Variants in PTPRD observed in about 807,000 individuals in gnomAD.
PTPRD encodes protein tyrosine phosphatase receptor type D.
Under a neutral mutation model 214.5 loss-of-function variants are expected in PTPRD, and 34 were observed. The ratio of observed to expected loss-of-function variants is 0.16; its 90% CI spans 0.12 to 0.21. The LOEUF is 0.21. PTPRD is among the 10% of genes least tolerant of loss of function. The probability of loss-of-function intolerance (pLI) is 1.00; values close to 1 mark genes in which losing one functional copy is unlikely to be tolerated. For synonymous variants in PTPRD, 1,128 were observed against 845.7 expected (o/e 1.33, Z -5.79); for missense variants, 2,545 against 2,398.7 (o/e 1.06, Z -1.27).
At chr9:9,411,508 G>A (rs901650161) in intron 8 of PTPRD, among the ~76,000 whole-genome samples, 1 of 152,122 alleles carries the variant, frequency 6.6e-6, no homozygotes, top group African/African-American at 2.4e-5. Context: ...CTAAAATATG[G>A]TTGGATGTAA....
chr9:10,016,468 A>G (rs1251615711), intron 4 of PTPRD, among the ~76,000 whole-genome samples: 2 of 152,172 alleles, frequency 1.3e-5, no homozygotes, highest in Non-Finnish European at 2.9e-5. Flanking sequence ...GTGTCTGTAA[A>G]TCATCAAAGA....
intron 5 of PTPRD, among the ~76,000 whole-genome samples, chr9:9,849,810 AT>A (rs1275833445): frequency 6.6e-6 from 1 of 152,144 alleles, no homozygotes; most frequent in Non-Finnish European, 1.5e-5. Flanking sequence ...TCAAATCAAA[AT>A]CTTCAAATGC....
intron 14 of PTPRD, among the ~76,000 whole-genome samples, chr9:8,588,532 G>T (rs76361794): frequency 6.6e-6 from 1 of 152,036 alleles, no homozygotes; most frequent in Non-Finnish European, 1.5e-5. Context: ...ATTATAGAAA[G>T]AATAATCCTT....
At chr9:10,144,631 C>T (rs12235311) in intron 3 of PTPRD, among the ~76,000 whole-genome samples, 14,701 of 152,058 alleles carry the variant, frequency 0.097, 852 homozygotes, top group South Asian at 0.26. Context: ...GAGCACAAGC[C>T]TTCTTCAATA....
At chr9:9,043,147 A>T (rs1373494822) in intron 10 of PTPRD, among the ~76,000 whole-genome samples, 2 of 152,180 alleles carry the variant, frequency 1.3e-5, no homozygotes, top group East Asian at 3.9e-4. Flanking sequence ...TCTGTGGCTC[A>T]CAACAAAGAT....
At chr9:8,999,867 G>T (rs1028341081) in intron 11 of PTPRD, among the ~76,000 whole-genome samples, 7 of 151,960 alleles carry the variant, frequency 4.6e-5, no homozygotes, top group Admixed American at 3.3e-4. Context: ...ACAGGGGGAT[G>T]GGGTGTTGAC....
intron 2 of PTPRD, among the ~76,000 whole-genome samples, chr9:10,475,030 C>G (rs1016533712): frequency 6.6e-6 from 1 of 152,094 alleles, no homozygotes; most frequent in East Asian, 1.9e-4. Context: ...CAGGAGAAAG[C>G]AAGAAAGATC....
intron 5 of PTPRD, among the ~76,000 whole-genome samples, chr9:9,934,700 G>T (rs1037682074): frequency 6.6e-6 from 1 of 151,346 alleles, no homozygotes; most frequent in African/African-American, 2.4e-5. Context: ...AACAGAAAAA[G>T]AGGGAATCCT....
At chr9:9,922,552 G>C (rs939909601) in intron 5 of PTPRD, among the ~76,000 whole-genome samples, 1 of 151,942 alleles carries the variant, frequency 6.6e-6, no homozygotes, top group Non-Finnish European at 1.5e-5. Context: ...AACTAAAAAG[G>C]ACTGAAATAG....
At chr9:8,427,657 A>ATTC (rs1241111920) in intron 35 of PTPRD, among the ~76,000 whole-genome samples, 1 of 151,934 alleles carries the variant, frequency 6.6e-6, no homozygotes, top group Non-Finnish European at 1.5e-5. Context: ...TCAGTCTTTT[A>ATTC]TTCTTCTTCT....
At chr9:9,945,689 G>T (rs73402689) in intron 4 of PTPRD, among the ~76,000 whole-genome samples, 3,852 of 151,976 alleles carry the variant, frequency 0.025, 185 homozygotes, top group African/African-American at 0.089. Flanking sequence ...AATTTAAGAG[G>T]GGAGAAATTA....
intron 2 of PTPRD, among the ~76,000 whole-genome samples, chr9:10,595,600 A>C (rs983329896): frequency 6.6e-6 from 1 of 151,616 alleles, no homozygotes; most frequent in Non-Finnish European, 1.5e-5. Flanking sequence ...TAATTTGCCT[A>C]TATTATTTAA....
intron 3 of PTPRD, among the ~76,000 whole-genome samples, chr9:10,173,259 T>C (rs1189850220): frequency 6.6e-6 from 1 of 152,178 alleles, no homozygotes; most frequent in Non-Finnish European, 1.5e-5. Context: ...TATAAAAACT[T>C]TAAGATCCTT....
intron 3 of PTPRD, among the ~76,000 whole-genome samples, chr9:10,186,499 T>C (rs1005765431): frequency 1.3e-5 from 2 of 152,148 alleles, no homozygotes; most frequent in African/African-American, 4.8e-5. Context: ...GAGGCTATTA[T>C]AACACAATGC....
intron 8 of PTPRD, among the ~76,000 whole-genome samples, chr9:9,525,394 C>T (rs1052283871): frequency 3.3e-5 from 5 of 152,010 alleles, no homozygotes; most frequent in African/African-American, 1.2e-4. Context: ...CAGTATACTG[C>T]AATCGATGTT....
chr9:9,584,857 T>A (rs1482480921), intron 7 of PTPRD, among the ~76,000 whole-genome samples: 1 of 152,032 alleles, frequency 6.6e-6, no homozygotes, highest in African/African-American at 2.4e-5. Flanking sequence ...CTTCAAGCTT[T>A]ATTTTCTTCT....
At chr9:9,032,942 A>G (rs948060710) in intron 10 of PTPRD, among the ~76,000 whole-genome samples, 1 of 152,010 alleles carries the variant, frequency 6.6e-6, no homozygotes, top group Non-Finnish European at 1.5e-5. Flanking sequence ...ACCTCTCTGT[A>G]CGGGACTCTC....
intron 13 of PTPRD, among the ~76,000 whole-genome samples, chr9:8,635,766 A>G (rs558104733): frequency 1.3e-5 from 2 of 152,244 alleles, no homozygotes; most frequent in East Asian, 3.9e-4. Context: ...GTTTGGGGGT[A>G]TTGGTAGCCC....
chr9:8,705,453 T>A (rs2098185879), intron 12 of PTPRD, among the ~76,000 whole-genome samples: 1 of 152,214 alleles, frequency 6.6e-6, no homozygotes. Flanking sequence ...GAGGAGCACA[T>A]ACAAGAAACA....
Sources: allele counts gnomAD v4.1 joint callset (sites outside exome capture counted in the v4.1 genomes callset), GRCh38; gene constraint gnomAD v4.1.1; transcripts MANE v1.5; gene names NCBI Gene and HGNC (gene_info 2026-07-23, HGNC 2026-07-21).